The following MEGF8 variants were observed in gnomAD, a reference collection of about 807,000 sequenced individuals.
MEGF8 encodes multiple epidermal growth factor-like domains protein 8.
In MEGF8, 156 loss-of-function variants were observed where a neutral mutation model predicts 302.9. The ratio of observed to expected loss-of-function variants is 0.52; its 90% confidence interval spans 0.45 to 0.59. The LOEUF is 0.59. Among genes scored for constraint, MEGF8 ranks in the 20% least tolerant of loss-of-function variants. The pLI is 0.00. For missense variants in MEGF8, 3,345 were observed against 3,964.5 expected (o/e 0.84, Z 4.20); for synonymous variants, 1,621 against 1,660.5 (o/e 0.98, Z 0.58).
chr19:42,358,059 G>A lies in MEGF8; in HGVS notation c.5012-85G>A, dbSNP rs763723005. The A allele has an allele frequency of 4.5e-5, 60 of 1,320,044 alleles. No homozygotes were observed. The highest frequency in any genetic ancestry group is 5.7e-5 in the Non-Finnish European group (57 of 1,003,418). 81.8% of individuals were successfully genotyped at this position (1,320,044 alleles called of 1,614,324 possible). The stretch of plus-strand genomic sequence containing the variant: ...CAGTCTCAGGGCCGGGGAAGGGAGT[G>A]GTCACCGAACAGGGGACCGGGAGGT... On this transcript the variant is annotated intron_variant, in intron 28 of 41. Coordinates refer to ENST00000251268, the MANE Select transcript of MEGF8 (RefSeq NM_001271938.2). The surrounding 1 kb of genome is among the most constrained non-coding windows in gnomAD (Gnocchi z 4.4).
rs761887293 is a variant in MEGF8, at chr19:42,368,649, C to T, written c.6468C>T (p.Ser2156=). 1.7e-5 allele frequency: 26 copies of T among 1,547,136 alleles called. 1 individual carries two copies. Among genetic ancestry groups the T allele is most frequent in the Admixed American group, 4.0e-5 (2 of 50,396 alleles). The change falls in exon 36 of 42, where the codon AGC becomes AGT. Residue 2156 remains serine (S), a synonymous_variant. Transcript: ENST00000251268. This position sits in a 1 kb window ranked among gnomAD's most constrained non-coding sequence, Gnocchi z 4.9. The part of the protein sequence containing the change: ...GGGRCMEGGL[S]GPRDGLTCGR... Reference sequence around the variant, plus strand: ...GCCGCTGCATGGAGGGTGGACTCAGCGGCCCCCGTGATGGTGAGAGGGCTT... The same window carrying T: ...GCCGCTGCATGGAGGGTGGACTCAGTGGCCCCCGTGATGGTGAGAGGGCTT...
In MEGF8 at chr19:42,376,142, C is replaced by G; in HGVS notation, c.7905C>G (p.Gly2635=). 6.2e-7 allele frequency: 1 copy of G among 1,609,710 alleles called. No homozygotes were observed. The highest frequency in any genetic ancestry group is 8.5e-7 in the Non-Finnish European group (1 of 1,179,766). Residue 2635 remains glycine, a synonymous_variant, in exon 42 of 42, where the codon GGC becomes GGG. Coordinates refer to ENST00000251268, the MANE Select transcript of MEGF8 (RefSeq NM_001271938.2). This position sits in a 1 kb window ranked among gnomAD's most constrained non-coding sequence, Gnocchi z 8.2. The stretch of plus-strand genomic sequence containing the variant: ...CCAACGGCTCAGCCGACTCGCAGGG[C>G]CTGCTCTTCTTCCGGCAGGACCAGG... ...PGANGSADSQ[G]LLFFRQDQAH...
Position 42,360,864 on chromosome 19 carries a change from G to A in MEGF8, c.5578G>A (p.Gly1860Arg), listed in dbSNP as rs1392446692. 9 of 1,613,272 alleles carry A rather than the reference G, an allele frequency of 5.6e-6. No homozygotes were observed. The highest frequency in any genetic ancestry group is 5.5e-5 in the South Asian group (5 of 91,068). ...CCGCCTGTATATCTCTGGGGGTTTCGGGGGAGTGGCCCTGGGCCGCCTGCT... is the reference window on the plus strand; with the variant it reads ...CCGCCTGTATATCTCTGGGGGTTTCAGGGGAGTGGCCCTGGGCCGCCTGCT... ...GSRLYISGGFGGVALGRLLAL... is the reference protein window; with the variant it reads ...GSRLYISGGFRGVALGRLLAL... The change falls in exon 32 of 42, where the codon GGG becomes AGG. Residue 1860 changes from glycine (G) to arginine (R), a missense_variant. Transcript: ENST00000251268.
intron 35 of MEGF8, among the ~76,000 whole-genome samples, chr19:42,366,446 G>A (rs1474194643): frequency 6.6e-6 from 1 of 152,152 alleles, no homozygotes; most frequent in Non-Finnish European, 1.5e-5. Context: ...TGATCCACCT[G>A]CCTCGGCCTC....
rs1186747670 is a variant in MEGF8, at chr19:42,376,360, C to T, written c.8123C>T (p.Pro2708Leu). The change falls in exon 42 of 42, where the codon CCT becomes CTT. Residue 2708 changes from proline (P) to leucine (L), a missense_variant. Physicochemically the swap from Pro to Leu is moderately conservative, Grantham distance 98. Transcript: ENST00000251268. This position sits in a 1 kb window ranked among gnomAD's most constrained non-coding sequence, Gnocchi z 8.2. ...AKVTVCFPPD[P>L]TAPASAWKPA... ...GTCACCGTCTGCTTCCCACCTGACC[C>T]TACTGCCCCGGCCTCCGCCTGGAAG... 1 of 1,613,490 alleles carries T rather than the reference C, an allele frequency of 6.2e-7. No homozygotes were observed. Among genetic ancestry groups the T allele is most frequent in the East Asian group, 2.2e-5 (1 of 44,876 alleles).
Position 42,360,880 on chromosome 19 carries a change from G to A in MEGF8, c.5594G>A (p.Gly1865Asp). 1.9e-6 allele frequency: 3 copies of A among 1,613,474 alleles called. No individual in the cohort carries two copies. Among genetic ancestry groups the A allele is most frequent in the Non-Finnish European group, 2.5e-6 (3 of 1,179,878 alleles). ...GGGGGTTTCGGGGGAGTGGCCCTGG[G>A]CCGCCTGCTGGCACTGACCCTGCCC... Reference protein sequence around the residue: ...ISGGFGGVALGRLLALTLPPD... With the variant: ...ISGGFGGVALDRLLALTLPPD... Residue 1865 changes from glycine to aspartate, a missense_variant, in exon 32 of 42, where the codon GGC becomes GAC. Physicochemically the swap from Gly to Asp is moderately conservative, Grantham distance 94. Transcript: ENST00000251268.
At chr19:42,370,625 G>A in intron 39 of MEGF8, 76 bp from the exon 40 acceptor site, 3 of 1,505,344 alleles carry the variant, frequency 2.0e-6, no homozygotes, top group South Asian at 2.5e-5. Flanking sequence ...GTGGGTAGGA[G>A]CCTGGACTCC....
In MEGF8 at chr19:42,358,070, A is replaced by G; in HGVS notation, c.5012-74A>G. On this transcript the variant is annotated intron_variant, in intron 28 of 41. Transcript: ENST00000251268. The surrounding 1 kb of genome is among the most constrained non-coding windows in gnomAD (Gnocchi z 4.4). ...CCGGGGAAGGGAGTGGTCACCGAAC[A>G]GGGGACCGGGAGGTCGGCGGGGTCA... The G allele has an allele frequency of 7.3e-7, 1 of 1,377,726 alleles. No individual in the cohort carries two copies. The highest frequency in any genetic ancestry group is 9.5e-7 in the Non-Finnish European group (1 of 1,051,446). 85.3% of individuals were successfully genotyped at this position (1,377,726 alleles called of 1,614,324 possible). A position where few individuals can be genotyped will look rare whatever the true frequency, so the allele number is the denominator to read the frequency against.
chr19:42,350,288 T>C lies in MEGF8; in HGVS notation c.2640T>C (p.His880=). The part of the protein sequence containing the change: ...ATCHLRQGGA[H]CGDDGAGGSL... ...GCCACCTGCGCCAGGGCGGAGCCCA[T>C]TGCGGGGATGACGGGGCTGGTGGGT... Residue 880 remains histidine (H), a synonymous_variant, in exon 15 of 42, where the codon CAT becomes CAC. Coordinates refer to ENST00000251268, the MANE Select transcript of MEGF8 (RefSeq NM_001271938.2). 1.9e-6 allele frequency: 3 copies of C among 1,610,312 alleles called. No individual in the cohort carries two copies. The highest frequency in any genetic ancestry group is 2.5e-6 in the Non-Finnish European group (3 of 1,179,760).
At chr19:42,367,911 C>T (rs570823140) in intron 35 of MEGF8, among the ~76,000 whole-genome samples, 10 of 152,234 alleles carry the variant, frequency 6.6e-5, no homozygotes, top group East Asian at 3.9e-4. Flanking sequence ...CCCAAGTCTA[C>T]GCGATCTTCC....
At position 42,354,252 on chromosome 19, in the gene MEGF8, A is replaced by G. The variant is rs554221683; in HGVS notation, c.4011+228A>G. ...CCTATTTCCTCAGCTCCCATCTCCA[A>G]TTCTCCAGATTCTCAATCTCCCCAT... On this transcript the variant is annotated intron_variant, in intron 22 of 41. Coordinates refer to ENST00000251268, the MANE Select transcript of MEGF8 (RefSeq NM_001271938.2). This position sits in a 1 kb window ranked among gnomAD's most constrained non-coding sequence, Gnocchi z 4.3. 6.6e-6 allele frequency among the ~76,000 whole-genome samples: 1 copy of G among 151,638 alleles called. No homozygotes were observed. Among genetic ancestry groups the G allele is most frequent in the South Asian group, 2.1e-4 (1 of 4,798 alleles).
intron 1 of MEGF8, among the ~76,000 whole-genome samples, chr19:42,332,373 G>GTT (rs376436060): frequency 2.7e-5 from 4 of 147,096 alleles, no homozygotes; most frequent in African/African-American, 7.4e-5. Flanking sequence ...GCTTTTCTTT[G>GTT]TTTTTTTTTT....
intron 13 of MEGF8, 97 bp downstream of exon 13, chr19:42,348,569 A>T: frequency 6.7e-6 from 8 of 1,191,486 alleles, no homozygotes; most frequent in Non-Finnish European, 9.1e-6. Flanking sequence ...GTTCTGGGGA[A>T]GGGCTGGGGA....
chr19:42,362,411 A>G lies in MEGF8; in HGVS notation c.5872A>G (p.Thr1958Ala). The G allele has an allele frequency of 1.2e-6, 2 of 1,613,932 alleles. No homozygotes were observed. The highest frequency in any genetic ancestry group is 1.7e-6 in the Non-Finnish European group (2 of 1,179,872). ...GTCCACCCCCCGCTGTAAGTGGTGT[A>G]CCAACTGCCCCGAAGGTGCTTGCAT... ...EASTPRCKWC[T>A]NCPEGACIGR... The change falls in exon 34 of 42, where the codon ACC (threonine) becomes GCC (alanine). Residue 1958 changes from threonine to alanine, a missense_variant. Physicochemically the swap from Thr to Ala is moderately conservative, Grantham distance 58. Transcript: ENST00000251268.
At chr19:42,355,408 G>T (rs1468085814) in intron 23 of MEGF8, among the ~76,000 whole-genome samples, 3 of 152,178 alleles carry the variant, frequency 2.0e-5, no homozygotes. Context: ...GGAGCTTGCT[G>T]ATTACAGGGC....
intron 8 of MEGF8, among the ~76,000 whole-genome samples, chr19:42,340,111 T>C (rs2039191341): frequency 6.6e-6 from 1 of 152,204 alleles, no homozygotes; most frequent in Admixed American, 6.5e-5. Flanking sequence ...AGTTTGCTCA[T>C]CTGTGAAATG....
In MEGF8 at chr19:42,368,682, TG is replaced by T; in HGVS notation, c.6481+25del. 1.3e-6 allele frequency: 2 copies of T among 1,532,808 alleles called. No homozygotes were observed. The allele number at this position is 1,532,808 out of a possible 1,614,324, so 95.0% of individuals were successfully genotyped here. A position where few individuals can be genotyped will look rare whatever the true frequency, so the allele number is the denominator to read the frequency against. On this transcript the variant is annotated intron_variant, in intron 36 of 41. Transcript: ENST00000251268. This position sits in a 1 kb window ranked among gnomAD's most constrained non-coding sequence, Gnocchi z 4.9. The stretch of plus-strand genomic sequence containing the variant: ...GTGATGGTGAGAGGGCTTTGGGCAC[TG>T]GGGGAGAGGGGCTGGCCCTTGGTTG...
At chr19:42,361,527 G>C (rs920115373) in intron 32 of MEGF8, among the ~76,000 whole-genome samples, 1 of 152,202 alleles carries the variant, frequency 6.6e-6, no homozygotes, top group African/African-American at 2.4e-5. Context: ...AATGTTAATG[G>C]TTTGATTTCG....
chr19:42,334,142 G>A lies in MEGF8; in HGVS notation c.487G>A (p.Gly163Ser), dbSNP rs1291409824. Residue 163 changes from glycine to serine, a missense_variant, in exon 3 of 42, where the codon GGC (glycine) becomes AGC (serine). Gly to Ser is a moderately conservative substitution (Grantham distance 56). Transcript: ENST00000251268. Reference sequence around the variant, plus strand: ...ACCGGGTGTGTGTGCCTGCGAGCCGGGCTGGGGGGGTCCTGACTGTGGCCT... The same window carrying A: ...ACCGGGTGTGTGTGCCTGCGAGCCGAGCTGGGGGGGTCCTGACTGTGGCCT... ...QPPGVCACEP[G>S]WGGPDCGLQE... 6.2e-7 allele frequency: 1 copy of A among 1,611,820 alleles called. No homozygotes were observed. The highest frequency in any genetic ancestry group is 1.7e-5 in the Admixed American group (1 of 59,978).
Sources: allele counts gnomAD v4.1 joint callset (sites outside exome capture counted in the v4.1 genomes callset), GRCh38; gene constraint gnomAD v4.1.1; non-coding constraint Gnocchi (gnomAD v3.1); transcripts MANE v1.5; gene names NCBI Gene and HGNC (gene_info 2026-07-23, HGNC 2026-07-21).